GREB1: variants seen among roughly 807,000 people sequenced by gnomAD.
The protein encoded by GREB1 is growth regulating estrogen receptor binding 1, also known as protein GREB1.
Under a neutral mutation model 200.7 loss-of-function variants are expected in GREB1, and 106 were observed. The ratio of observed to expected loss-of-function variants is 0.53; its 90% confidence interval spans 0.45 to 0.62. The LOEUF (loss-of-function observed/expected upper bound fraction) is 0.62. GREB1 is among the 20% of genes least tolerant of loss of function. The pLI, the probability that GREB1 is intolerant of heterozygous loss-of-function variation, is 0.00. For missense variants in GREB1, 2,243 were observed against 2,556.8 expected (o/e 0.88, Z 2.65); for synonymous variants, 1,132 against 1,092.4 (o/e 1.04, Z -0.72).
intron 1 of GREB1, among the ~76,000 whole-genome samples, chr2:11,526,022 C>T (rs1673861383): frequency 6.6e-6 from 1 of 152,186 alleles, no homozygotes; most frequent in Non-Finnish European, 1.5e-5. Context: ...GGCATAGAAG[C>T]ATCAGACATT....
At chr2:11,530,794 T>C (rs1215943015), upstream of GREB1, among the ~76,000 whole-genome samples, 1 of 152,120 alleles carries the variant, frequency 6.6e-6, no homozygotes, top group Admixed American at 6.5e-5. Context: ...TACATACCAA[T>C]ATTCTTTTGT....
chr2:11,532,523 T>C (rs978897714), upstream of GREB1, among the ~76,000 whole-genome samples: 13 of 152,218 alleles, frequency 8.5e-5, no homozygotes, highest in African/African-American at 3.1e-4. Flanking sequence ...TGAAAAAAAG[T>C]GTGGCAACTG....
At chr2:11,624,022 G>A (rs898482133) in intron 23 of GREB1, among the ~76,000 whole-genome samples, 1 of 152,182 alleles carries the variant, frequency 6.6e-6, no homozygotes, top group African/African-American at 2.4e-5. Context: ...TTTAAGCTAA[G>A]TGTTATTACA....
intron 17 of GREB1, 40 bp from the exon 18 acceptor site, chr2:11,610,648 C>T (rs771480370): frequency 2.4e-5 from 35 of 1,468,736 alleles, no homozygotes; most frequent in East Asian, 1.6e-4. Context: ...GGCCGGTGGG[C>T]GCGGCCGTCA....
intron 2 of GREB1, among the ~76,000 whole-genome samples, chr2:11,559,628 C>T (rs1676785037): frequency 6.6e-6 from 1 of 152,196 alleles, no homozygotes; most frequent in Non-Finnish European, 1.5e-5. Flanking sequence ...TCTGTGCCAT[C>T]CCCTCTGAGC....
rs1676447443 is a variant in GREB1 at position 11,556,498 on chromosome 2, C to T, written c.-117C>T. The T allele has an allele frequency of 1.5e-5, 12 of 778,898 alleles. No homozygotes were observed. Among genetic ancestry groups the T allele is most frequent in the Non-Finnish European group, 2.5e-5 (12 of 485,470 alleles). 48.2% of individuals were successfully genotyped at this position (778,898 alleles called of 1,614,324 possible). ...CCACCCTTTCTTCGTCTCTGCTGAGCGAAGGCTACACGGCCCTTCCTCCTT... is the reference window on the plus strand; with the variant it reads ...CCACCCTTTCTTCGTCTCTGCTGAGTGAAGGCTACACGGCCCTTCCTCCTT... On this transcript the variant is annotated 5_prime_UTR_variant, in exon 2 of 33. It introduces an in-frame stop codon into an upstream open reading frame of the 5' UTR. Coordinates refer to ENST00000381486, the MANE Select transcript of GREB1 (RefSeq NM_014668.4).
chr2:11,637,973 A>C, intron 31 of GREB1, 57 bp downstream of exon 31: 6 of 1,402,904 alleles, frequency 4.3e-6, no homozygotes, highest in Non-Finnish European at 6.0e-6. Flanking sequence ...TCTAGAACCA[A>C]TGGGCTGGAA....
At chr2:11,495,425 C>T (rs999663945) in intron 1 of GREB1, among the ~76,000 whole-genome samples, 5 of 151,952 alleles carry the variant, frequency 3.3e-5, no homozygotes, top group Non-Finnish European at 7.4e-5. Context: ...TTTTTTCATA[C>T]AACATAATTG....
rs140521060 is a variant in GREB1 at position 11,497,566 on chromosome 2, C to T, written c.-159+15185C>T. Among the ~76,000 whole-genome samples, 808 of 152,328 alleles carry T rather than the reference C, an allele frequency of 5.3e-3. 4 individuals carry two copies. Among genetic ancestry groups the T allele is most frequent in the Middle Eastern group, 0.02 (6 of 294 alleles). On this transcript the variant is annotated intron_variant, in intron 1 of 2. Transcript: ENST00000628795. ...ACTATAAAAGAGTTTTCCAAAGTGA[C>T]TGTACCATTTCACACTCCCACCAGC...
chr2:11,622,063 A>C (rs1684055025), intron 23 of GREB1, among the ~76,000 whole-genome samples: 1 of 152,118 alleles, frequency 6.6e-6, no homozygotes, highest in Non-Finnish European at 1.5e-5. Context: ...ATGGGGATTA[A>C]ATGTGACACA....
Position 11,611,037 on chromosome 2 carries a change from G to A in GREB1, c.3006+10G>A, listed in dbSNP as rs764808507. The A allele has an allele frequency of 1.5e-5, 23 of 1,558,486 alleles. No individual in the cohort carries two copies. The highest frequency in any genetic ancestry group is 1.7e-4 in the Middle Eastern group (1 of 5,736). On this transcript the variant is annotated intron_variant, in intron 18 of 32. Transcript: ENST00000381486. ...CGTAAAGCAGCTCAGGGTAGGTGCT[G>A]TGCGCAGGGAGGGGCGGAGGGCCTG...
chr2:11,611,873 C>T (rs192382194), intron 18 of GREB1, among the ~76,000 whole-genome samples: 64 of 152,266 alleles, frequency 4.2e-4, no homozygotes, highest in Non-Finnish European at 7.9e-4. Flanking sequence ...AGGGAGGACA[C>T]TGTCAGGAGA....
intron 1 of GREB1, among the ~76,000 whole-genome samples, chr2:11,483,451 G>T (rs1027079041): frequency 1.3e-5 from 2 of 152,108 alleles, no homozygotes; most frequent in Admixed American, 1.3e-4. Flanking sequence ...GTGTGTGTGT[G>T]TGTGTATCTG....
intron 7 of GREB1, among the ~76,000 whole-genome samples, chr2:11,582,898 G>A (rs1679654987): frequency 6.6e-6 from 1 of 152,204 alleles, no homozygotes; most frequent in Non-Finnish European, 1.5e-5. Context: ...GCTGCCCCCT[G>A]GGGGCGGGGG....
rs927080365 is a variant in GREB1 at position 11,548,276 on chromosome 2, A to G, written c.-161-8178A>G. 3.6e-5 allele frequency among the ~76,000 whole-genome samples: 2 copies of G among 55,846 alleles called. No individual in the cohort carries two copies. Among genetic ancestry groups the G allele is most frequent in the African/African-American group, 2.6e-4 (2 of 7,680 alleles). The allele number at this position is 55,846 out of a possible 152,430, so 36.6% of individuals were successfully genotyped here. On this transcript the variant is annotated intron_variant, in intron 1 of 32. Transcript: ENST00000381486. The surrounding 1 kb of genome is among the most constrained non-coding windows in gnomAD (Gnocchi z 5.1). ...CATATGTGCACACACATGTACAGCC[A>G]GACACATGCACACACGTGCACATAC...
At position 11,641,537 on chromosome 2, in the gene GREB1, G is replaced by GT. The variant is rs1418244341; in HGVS notation, c.*1084dup. Reference sequence around the variant, plus strand: ...CTCTAGCTCTGTCACCCAGGCTGGAGTGCAGTGGTGCGATCTCGGCTCACT... The same window carrying GT: ...CTCTAGCTCTGTCACCCAGGCTGGAGTTGCAGTGGTGCGATCTCGGCTCACT... On this transcript the variant is annotated 3_prime_UTR_variant, in exon 33 of 33. Transcript: ENST00000381486. 1 of 152,248 alleles carries GT rather than the reference G, an allele frequency of 6.6e-6. No individual in the cohort carries two copies. The highest frequency in any genetic ancestry group is 2.4e-5 in the African/African-American group (1 of 41,400). 9.4% of individuals were successfully genotyped at this position (152,248 alleles called of 1,614,324 possible). A position where few individuals can be genotyped will look rare whatever the true frequency, so the allele number is the denominator to read the frequency against.
At position 11,492,205 on chromosome 2, in the gene GREB1, C is replaced by T. The variant is rs552140847; in HGVS notation, c.-159+9824C>T. On this transcript the variant is annotated intron_variant, in intron 1 of 2. Transcript: ENST00000628795. This position sits in a 1 kb window ranked among gnomAD's most constrained non-coding sequence, Gnocchi z 4.0. ...TAGCACTGGAGCATCGTCATGGACA[C>T]GCCAGGCCTGAGTGGGCTCTTCCCT... Among the ~76,000 whole-genome samples, 22 of 152,194 alleles carry T rather than the reference C, an allele frequency of 1.4e-4. No homozygotes were observed. The highest frequency in any genetic ancestry group is 2.1e-4 in the Non-Finnish European group (14 of 68,030).
chr2:11,611,984 A>G (rs1400078055), intron 18 of GREB1, among the ~76,000 whole-genome samples: 1 of 152,134 alleles, frequency 6.6e-6, no homozygotes, highest in Non-Finnish European at 1.5e-5. Context: ...ACTTGAGGTC[A>G]GGAGTTCGAG....
rs754962741 is a variant in GREB1, at chr2:11,638,712, C to T, written c.5589C>T (p.Asn1863=). 2.5e-6 allele frequency: 4 copies of T among 1,614,104 alleles called. No individual in the cohort carries two copies. The highest frequency in any genetic ancestry group is 3.4e-6 in the Non-Finnish European group (4 of 1,179,910). ...TGAGCTCCAGGCCCCACTCTTTAAACATCAGCTGCTCGGACTTGCTGTTCA... is the reference window on the plus strand; with the variant it reads ...TGAGCTCCAGGCCCCACTCTTTAAATATCAGCTGCTCGGACTTGCTGTTCA... ...CYVSSRPHSL[N]ISCSDLLFSG... is the part of the protein sequence containing the mutation. Residue 1863 remains asparagine, a synonymous_variant, in exon 32 of 33, where the codon AAC becomes AAT. Transcript: ENST00000381486.
Sources: gnomAD v4.1 joint callset for allele counts (sites outside exome capture counted in the v4.1 genomes callset) on GRCh38, gnomAD v4.1.1 for gene constraint, Gnocchi (gnomAD v3.1) non-coding constraint, MANE v1.5 for transcripts, NCBI Gene and HGNC (gene_info 2026-07-23, HGNC 2026-07-21) for gene names.